SLC2A9: variants seen among roughly 807,000 people sequenced by gnomAD.
The protein encoded by SLC2A9 is solute carrier family 2, facilitated glucose transporter member 9.
A neutral mutation model predicts 50.6 loss-of-function variants in SLC2A9; 39 were observed. That is an observed-to-expected ratio of 0.77 (90% CI 0.60 to 1.01). The LOEUF (loss-of-function observed/expected upper bound fraction) is 1.01. Ranked by LOEUF, SLC2A9 falls within the 50% of genes least tolerant of loss-of-function variation. SLC2A9 has a pLI of 0.00. For synonymous variants in SLC2A9, 324 were observed against 276.9 expected (o/e 1.17, Z -1.69); for missense variants, 686 against 677.6 (o/e 1.01, Z -0.14).
Position 9,835,095 on chromosome 4 carries a change from C to A in SLC2A9, c.1292-87G>T, listed in dbSNP as rs560974858. ...CATCTCCATCTGCCACACTTTAGAACCCCCCCACCCCTGCCCCTTGACTGG... is the reference window on the plus strand; with the variant it reads ...CATCTCCATCTGCCACACTTTAGAAACCCCCCACCCCTGCCCCTTGACTGG... On this transcript the variant is annotated intron_variant, in intron 10 of 11. Coordinates refer to ENST00000264784, the MANE Select transcript of SLC2A9 (RefSeq NM_020041.3). 22 of 1,581,474 alleles carry A rather than the reference C, an allele frequency of 1.4e-5. No homozygotes were observed. The African/African-American group carries it at 1.5e-4, about 11-fold the overall frequency.
chr4:9,958,351 A>T (rs1751662249), intron 5 of SLC2A9, among the ~76,000 whole-genome samples: 2 of 152,216 alleles, frequency 1.3e-5, no homozygotes, highest in Non-Finnish European at 2.9e-5. Context: ...AGGGACATGG[A>T]TGAATCTGGA....
rs1237963448 is a variant in SLC2A9 at position 9,913,328 on chromosome 4, TGTGAGAGAGA to T, written c.1003-4993_1003-4984del. ...TTGTGTGTGTGTGTGTGTGTGTGTG[TGTGAGAGAGA>T]GAGAGAGAGAGAGAGAGACAGAGAG... On this transcript the variant is annotated intron_variant, in intron 7 of 11. Transcript: ENST00000264784. 4.3e-4 allele frequency among the ~76,000 whole-genome samples: 59 copies of T among 136,614 alleles called. No individual in the cohort carries two copies. The South Asian group carries it at 0.013, about 30-fold the overall frequency. The allele number at this position is 136,614 out of a possible 152,430, so 89.6% of individuals were successfully genotyped here.
At chr4:9,934,785 A>G (rs1746761182) in intron 6 of SLC2A9, among the ~76,000 whole-genome samples, 1 of 152,094 alleles carries the variant, frequency 6.6e-6, no homozygotes, top group Admixed American at 6.5e-5. Context: ...TGCATTAGCT[A>G]TTTGTCCTAA....
At chr4:9,972,933 G>A (rs1246876615) in intron 5 of SLC2A9, among the ~76,000 whole-genome samples, 5 of 152,064 alleles carry the variant, frequency 3.3e-5, no homozygotes, top group African/African-American at 1.2e-4. Flanking sequence ...CAAAAGAAAA[G>A]AAACAGCTAT....
chr4:9,776,104 CA>C (rs1717529410), downstream of SLC2A9, among the ~76,000 whole-genome samples: 1 of 151,850 alleles, frequency 6.6e-6, no homozygotes, highest in Non-Finnish European at 1.5e-5. Flanking sequence ...ATCTCTGCCA[CA>C]AACAGCAAGT....
chr4:9,801,253 A>C (rs546462141), intron 3 of SLC2A9, among the ~76,000 whole-genome samples: 1 of 152,232 alleles, frequency 6.6e-6, no homozygotes, highest in African/African-American at 2.4e-5. Context: ...CTACCACCTG[A>C]TCACACACAT....
At chr4:9,905,847 G>T (rs1256979531) in intron 8 of SLC2A9, among the ~76,000 whole-genome samples, 1 of 152,134 alleles carries the variant, frequency 6.6e-6, no homozygotes, top group African/African-American at 2.4e-5. Context: ...GGCAGGGACA[G>T]TAGGGGCCCC....
chr4:9,793,579 C>T lies in SLC2A9; in HGVS notation n.386-13514G>A, dbSNP rs185404957. Among the ~76,000 whole-genome samples the T allele has an allele frequency of 3.4e-3, 522 of 152,212 alleles. 4 individuals carry two copies. The highest frequency in any genetic ancestry group is 0.011 in the African/African-American group (474 of 41,530). On this transcript the variant is annotated intron_variant and non_coding_transcript_variant, in intron 3 of 3. Coordinates refer to the SLC2A9 transcript ENST00000503803. ...ATACAGATGTGCAGGGATTTTAGGG[C>T]CCTGATTGATTTTCTATTGAAAGAA...
intron 3 of SLC2A9, among the ~76,000 whole-genome samples, chr4:9,987,983 T>C (rs1328868382): frequency 6.6e-6 from 1 of 152,258 alleles, no homozygotes; most frequent in Non-Finnish European, 1.5e-5. Flanking sequence ...GAACTAGCGT[T>C]TCCCCCCTGG....
chr4:9,776,202 T>G (rs1717545252), downstream of SLC2A9, among the ~76,000 whole-genome samples: 2 of 150,768 alleles, frequency 1.3e-5, no homozygotes, highest in South Asian at 4.2e-4. Context: ...TTTTTTTTTT[T>G]GACAGAGTTC....
At position 9,976,618 on chromosome 4, in the gene SLC2A9, G is replaced by A. The variant is rs920754589; in HGVS notation, c.681+3974C>T. Among the ~76,000 whole-genome samples, 7 of 152,278 alleles carry A rather than the reference G, an allele frequency of 4.6e-5. No homozygotes were observed. In the South Asian group the frequency reaches 1.2e-3, roughly 27 times the overall value. ...TTCCTCACCCATCTTCCTGGCCAGG[G>A]CCAAGACTGTCTGGAAACTCCCATC... On this transcript the variant is annotated intron_variant, in intron 5 of 11. Transcript: ENST00000264784.
At chr4:9,955,096 C>A (rs996114578) in intron 5 of SLC2A9, among the ~76,000 whole-genome samples, 1 of 152,154 alleles carries the variant, frequency 6.6e-6, no homozygotes, top group African/African-American at 2.4e-5. Context: ...ACGGCGTGTG[C>A]GGCCCCTCCT....
chr4:10,018,716 CCT>C, intron 2 of SLC2A9, among the ~76,000 whole-genome samples: 1 of 152,184 alleles, frequency 6.6e-6, no homozygotes, highest in African/African-American at 2.4e-5. Context: ...TCCGAAGCCC[CCT>C]CTCATCTAGT....
chr4:9,890,777 G>A, intron 8 of SLC2A9, 66 bp from the exon 9 acceptor site: 3 of 1,426,576 alleles, frequency 2.1e-6, no homozygotes, highest in South Asian at 1.2e-5. Context: ...GGGGAATGTG[G>A]CACTGGGAAC....
intron 6 of SLC2A9, among the ~76,000 whole-genome samples, chr4:9,929,238 C>T (rs1745450955): frequency 1.3e-5 from 2 of 152,272 alleles, no homozygotes; most frequent in South Asian, 4.1e-4. Context: ...GAAGCTTGCA[C>T]ATGGGCAGTG....
intron 8 of SLC2A9, among the ~76,000 whole-genome samples, chr4:9,891,941 A>C (rs1447977485): frequency 6.6e-6 from 1 of 152,220 alleles, no homozygotes; most frequent in African/African-American, 2.4e-5. Flanking sequence ...TTCAGGTGAC[A>C]GTGCGAAGGT....
At chr4:9,876,126 C>T (rs1292873453) in intron 10 of SLC2A9, among the ~76,000 whole-genome samples, 1 of 152,180 alleles carries the variant, frequency 6.6e-6, no homozygotes, top group Admixed American at 6.5e-5. Context: ...AAGCTTAGCC[C>T]TACCTGATGA....
At chr4:9,961,392 G>A (rs1239663624) in intron 5 of SLC2A9, among the ~76,000 whole-genome samples, 1 of 152,144 alleles carries the variant, frequency 6.6e-6, no homozygotes, top group East Asian at 1.9e-4. Context: ...AGAGAACTCA[G>A]AAATAAGACT....
chr4:10,018,638 A>G (rs1204359749), intron 2 of SLC2A9, among the ~76,000 whole-genome samples: 1 of 151,944 alleles, frequency 6.6e-6, no homozygotes, highest in Non-Finnish European at 1.5e-5. Context: ...TTCCATGCAT[A>G]AGGCCCCTCC....
Sources: allele counts gnomAD v4.1 joint callset (sites outside exome capture counted in the v4.1 genomes callset), GRCh38; gene constraint gnomAD v4.1.1; transcripts MANE v1.5; gene names NCBI Gene and HGNC (gene_info 2026-07-23, HGNC 2026-07-21).